The following RIPOR2 variants were observed in gnomAD, a reference collection of about 807,000 sequenced individuals.
RIPOR2 encodes the protein rho family-interacting cell polarization regulator 2.
RIPOR2 carries 39 observed loss-of-function variants against 114.5 expected under a neutral mutation model. The observed-to-expected ratio is 0.34, with a 90% CI of 0.26 to 0.44. RIPOR2 has a LOEUF of 0.44. Ranked by LOEUF, RIPOR2 falls within the 20% of genes least tolerant of loss-of-function variation. The pLI is 1.00. For missense variants in RIPOR2, 1,007 were observed against 1,255.1 expected (o/e 0.80, Z 2.99); for synonymous variants, 445 against 484.4 (o/e 0.92, Z 1.07).
At chr6:24,960,621 G>C (rs1017780212) in intron 1 of RIPOR2, among the ~76,000 whole-genome samples, 1 of 152,106 alleles carries the variant, frequency 6.6e-6, no homozygotes, top group Non-Finnish European at 1.5e-5. Flanking sequence ...GACCTCCCCT[G>C]GTGCAGTTGA....
chr6:24,977,708 CCTGATGTTTTGTTGGTTT>C (rs1445654231), intron 1 of RIPOR2, among the ~76,000 whole-genome samples: 2 of 152,160 alleles, frequency 1.3e-5, no homozygotes, highest in East Asian at 3.9e-4. Context: ...GAAAGGCTGC[CCTGATGTTTTGTTGGTTT>C]CTGTAAACAT....
intron 8 of RIPOR2, among the ~76,000 whole-genome samples, chr6:24,859,834 T>G (rs1411532287): frequency 6.6e-6 from 1 of 152,148 alleles, no homozygotes; most frequent in Non-Finnish European, 1.5e-5. Flanking sequence ...CTCCCTTAAT[T>G]GCAGAAAGTA....
intron 20 of RIPOR2, among the ~76,000 whole-genome samples, 160 bp downstream of exon 20, chr6:24,818,382 G>C (rs1176844931): frequency 2.0e-5 from 3 of 152,164 alleles, no homozygotes; most frequent in Non-Finnish European, 4.4e-5. Flanking sequence ...TGTAATTACT[G>C]TTTAAGGGAG....
intron 1 of RIPOR2, among the ~76,000 whole-genome samples, chr6:24,900,717 C>T (rs1178211781): frequency 2.6e-5 from 4 of 152,132 alleles, no homozygotes; most frequent in African/African-American, 4.8e-5. Flanking sequence ...GTGATCTGGC[C>T]GCCGCACTCC....
At chr6:24,944,021 C>T (rs975130642) in intron 1 of RIPOR2, among the ~76,000 whole-genome samples, 1 of 152,100 alleles carries the variant, frequency 6.6e-6, no homozygotes, top group Admixed American at 6.5e-5. Context: ...AAACAATAGG[C>T]TTAACAAAAA....
chr6:24,975,474 A>T (rs1327829979), intron 1 of RIPOR2, among the ~76,000 whole-genome samples: 2 of 152,160 alleles, frequency 1.3e-5, no homozygotes, highest in Admixed American at 1.3e-4. Context: ...AAAGGGTACA[A>T]ATATTCAGTT....
chr6:24,887,801 G>T (rs2113955991), intron 1 of RIPOR2, among the ~76,000 whole-genome samples: 1 of 152,332 alleles, frequency 6.6e-6, no homozygotes, highest in South Asian at 2.1e-4. Flanking sequence ...GGGGAAAAAT[G>T]AAAACTATTT....
chr6:24,848,146 T>A lies in RIPOR2; in HGVS notation c.1043A>T (p.Asp348Val), dbSNP rs375631456. 14 of 1,613,204 alleles carry A rather than the reference T, an allele frequency of 8.7e-6. No homozygotes were observed. The highest frequency in any genetic ancestry group is 1.2e-5 in the Non-Finnish European group (14 of 1,179,636). Residue 348 changes from aspartate (D) to valine (V), a missense_variant, in exon 12 of 22, where the codon GAC (aspartate) becomes GTC (valine). Physicochemically the swap from Asp to Val is radical, Grantham distance 152. Transcript: ENST00000643898. ...TGAGGATGCGGTCATGTCCTCCACG[T>A]CAAATGGACTGCAAAACAACAGGTC... ...LNLEITWYPF[D>V]VEDMTASSGA...
At chr6:24,986,102 A>G (rs13209866) in intron 1 of RIPOR2, among the ~76,000 whole-genome samples, 34,085 of 152,148 alleles carry the variant, frequency 0.22, 4,721 homozygotes, top group East Asian at 0.53. Flanking sequence ...GTGTTGTGTG[A>G]TATTAGTTGA....
intron 1 of RIPOR2, among the ~76,000 whole-genome samples, chr6:25,017,988 G>A (rs1776098266): frequency 6.6e-6 from 1 of 152,222 alleles, no homozygotes; most frequent in Non-Finnish European, 1.5e-5. Context: ...ACTGAGGGAT[G>A]ACAACAGGTA....
intron 1 of RIPOR2, chr6:25,023,681 T>C (rs1016402056): frequency 2.6e-6 from 2 of 762,962 alleles, no homozygotes; most frequent in Non-Finnish European, 4.8e-6. Flanking sequence ...AGTGAAGCGG[T>C]TCTCCACGAT....
intron 1 of RIPOR2, chr6:24,910,726 A>G (rs1466316261): frequency 4.0e-6 from 3 of 743,462 alleles, no homozygotes; most frequent in African/African-American, 4.6e-5. Flanking sequence ...TTCAACGCTC[A>G]TTCAAGTCGA....
intron 1 of RIPOR2, among the ~76,000 whole-genome samples, chr6:24,903,804 C>T (rs1343428093): frequency 6.6e-6 from 1 of 152,180 alleles, no homozygotes; most frequent in South Asian, 2.1e-4. Flanking sequence ...ACTTAACACT[C>T]GTTAAACTTC....
chr6:25,005,014 C>T (rs1775491265), intron 1 of RIPOR2, among the ~76,000 whole-genome samples: 1 of 150,476 alleles, frequency 6.6e-6, no homozygotes, highest in East Asian at 1.9e-4. Flanking sequence ...CACACACACA[C>T]ACACACACAC....
intron 1 of RIPOR2, among the ~76,000 whole-genome samples, chr6:25,027,585 G>A (rs920935158): frequency 1.3e-5 from 2 of 152,250 alleles, no homozygotes; most frequent in African/African-American, 4.8e-5. Context: ...CTCCGAGCAG[G>A]CCCCTTGGGG....
rs781276460 is a variant in RIPOR2, at chr6:24,875,798, C to T, written c.81G>A (p.Pro27=). The T allele has an allele frequency of 8.1e-6, 13 of 1,611,878 alleles. No homozygotes were observed. The highest frequency in any genetic ancestry group is 2.2e-5 in the East Asian group (1 of 44,834). ...ACTGGGATCCTACCAACATGATTTC[C>T]GGGAGTCTGGTCGGTAGTCCTAGAA... The part of the protein sequence containing the change: ...VFGEGLPTRL[P]EIMLVGSQSF... The change falls in exon 2 of 22, where the codon CCG becomes CCA. Residue 27 remains proline (P), a synonymous_variant. Coordinates refer to ENST00000643898, the MANE Select transcript of RIPOR2 (RefSeq NM_001286445.3).
intron 13 of RIPOR2, chr6:24,840,099 G>A (rs1761538840): frequency 2.9e-6 from 2 of 681,300 alleles, no homozygotes; most frequent in Admixed American, 6.0e-5. Flanking sequence ...ACAGGCATGT[G>A]CCACCACACC....
At chr6:24,832,443 T>G in intron 15 of RIPOR2, 52 bp from the exon 16 acceptor site, 1 of 1,498,760 alleles carries the variant, frequency 6.7e-7, no homozygotes, top group Non-Finnish European at 9.1e-7. Context: ...TCAGTAGAGC[T>G]TTCTCTACCC....
chr6:24,873,541 C>A, intron 3 of RIPOR2, 103 bp downstream of exon 3: 4 of 1,035,912 alleles, frequency 3.9e-6, no homozygotes, highest in South Asian at 1.4e-5. Flanking sequence ...GAATAAAATA[C>A]CTCCTACAGA....
Sources: allele counts gnomAD v4.1 joint callset (sites outside exome capture counted in the v4.1 genomes callset), GRCh38; gene constraint gnomAD v4.1.1; transcripts MANE v1.5; gene names NCBI Gene and HGNC (gene_info 2026-07-23, HGNC 2026-07-21).